The following SOBP variants were observed in gnomAD, a reference collection of about 807,000 sequenced individuals.
SOBP encodes sine oculis binding protein homolog.
SOBP carries 4 observed loss-of-function variants against 53.6 expected under a neutral mutation model. That is an observed-to-expected ratio of 0.07 (90% CI 0.04 to 0.17). The LOEUF (loss-of-function observed/expected upper bound fraction) is 0.17, where lower values mean the gene tolerates loss of function less well. Ranked by LOEUF, SOBP falls within the 10% of genes least tolerant of loss-of-function variation. The pLI, the probability that SOBP is intolerant of heterozygous loss-of-function variation, is 1.00. For missense variants in SOBP, 1,088 were observed against 1,204.7 expected, an observed-to-expected ratio of 0.90 and a Z score of 1.43; for synonymous variants, 584 against 522.6, an observed-to-expected ratio of 1.12 and a Z score of -1.60.
At chr6:107,554,899 C>T (rs1311201573) in intron 4 of SOBP, among the ~76,000 whole-genome samples, 1 of 152,234 alleles carries the variant, frequency 6.6e-6, no homozygotes, top group South Asian at 2.1e-4. Context: ...ATTCTGTGAG[C>T]CTGGCTGGGT....
At chr6:107,651,439 C>T (rs1224294324) in intron 6 of SOBP, among the ~76,000 whole-genome samples, 4 of 152,138 alleles carry the variant, frequency 2.6e-5, no homozygotes, top group Non-Finnish European at 5.9e-5. Flanking sequence ...CTCTTCATCA[C>T]TGAAGACTGA....
chr6:107,491,941 A>C (rs907884477), intron 1 of SOBP, among the ~76,000 whole-genome samples: 3 of 152,250 alleles, frequency 2.0e-5, no homozygotes, highest in Non-Finnish European at 4.4e-5. Flanking sequence ...GCATGGATAT[A>C]TATCATATAT....
intron 5 of SOBP, among the ~76,000 whole-genome samples, chr6:107,618,813 A>G (rs569328945): frequency 1.3e-5 from 2 of 152,310 alleles, no homozygotes; most frequent in East Asian, 3.9e-4. Context: ...TTGGAAGGTC[A>G]CGCCATAGGT....
At chr6:107,637,154 A>T (rs1771083118) in intron 6 of SOBP, among the ~76,000 whole-genome samples, 1 of 152,212 alleles carries the variant, frequency 6.6e-6, no homozygotes, top group South Asian at 2.1e-4. Flanking sequence ...AAGTGTTCAG[A>T]CAGTTGAATT....
intron 4 of SOBP, chr6:107,557,994 A>C (rs1784664293): frequency 6.6e-6 from 1 of 152,138 alleles, no homozygotes; most frequent in Non-Finnish European, 1.5e-5. Context: ...TAAAATTTAA[A>C]CATTTTAGAC....
chr6:107,503,186 G>A (rs570608658), intron 1 of SOBP, among the ~76,000 whole-genome samples: 34 of 152,286 alleles, frequency 2.2e-4, no homozygotes, highest in African/African-American at 6.0e-4. Flanking sequence ...GAAATTTGGC[G>A]TTATCCGCGA....
intron 4 of SOBP, 69 bp downstream of exon 4, chr6:107,533,679 G>T: frequency 6.3e-7 from 1 of 1,594,770 alleles, no homozygotes; most frequent in Non-Finnish European, 8.6e-7. Context: ...GTGCCTCATA[G>T]CTTCTAGCGG....
intron 5 of SOBP, among the ~76,000 whole-genome samples, chr6:107,596,198 C>G (rs1169179317): frequency 6.6e-6 from 1 of 152,146 alleles, no homozygotes; most frequent in Non-Finnish European, 1.5e-5. Context: ...CACTTTCCCC[C>G]CTAACATTTT....
At chr6:107,496,935 C>T (rs1782716639) in intron 1 of SOBP, among the ~76,000 whole-genome samples, 1 of 152,220 alleles carries the variant, frequency 6.6e-6, no homozygotes, top group African/African-American at 2.4e-5. Context: ...TCCACTGGGT[C>T]TGTGTTAAGA....
rs554568775 is a variant in SOBP at position 107,628,669 on chromosome 6, A to G, written c.670-4845A>G. On this transcript the variant is annotated intron_variant, in intron 5 of 6. Transcript: ENST00000317357. The stretch of plus-strand genomic sequence containing the variant: ...AAGAAACTGAGGCTGAGATTTTCGT[A>G]ATGTTGCACTGCTAATAAGGAATAA... Among the ~76,000 whole-genome samples the G allele has an allele frequency of 3.3e-5, 5 of 152,320 alleles. No individual in the cohort carries two copies. The South Asian group carries it at 1.0e-3, about 32-fold the overall frequency.
At chr6:107,561,224 G>A (rs1784762165) in intron 4 of SOBP, among the ~76,000 whole-genome samples, 2 of 152,090 alleles carry the variant, frequency 1.3e-5, no homozygotes, top group South Asian at 4.1e-4. Flanking sequence ...AGCTAAACTT[G>A]TACTGGAAAA....
intron 6 of SOBP, among the ~76,000 whole-genome samples, chr6:107,643,665 T>A (rs1771427331): frequency 6.6e-6 from 1 of 152,086 alleles, no homozygotes; most frequent in Non-Finnish European, 1.5e-5. Flanking sequence ...ATCATCCACC[T>A]GTCTAGGCCT....
At chr6:107,570,711 G>T (rs1336901347) in intron 4 of SOBP, among the ~76,000 whole-genome samples, 1 of 152,182 alleles carries the variant, frequency 6.6e-6, no homozygotes, top group Admixed American at 6.5e-5. Flanking sequence ...TTCCACCCAC[G>T]GGCCCTGCAA....
At chr6:107,557,330 TA>T (rs1203447863) in intron 4 of SOBP, among the ~76,000 whole-genome samples, 3 of 152,230 alleles carry the variant, frequency 2.0e-5, no homozygotes, top group Non-Finnish European at 4.4e-5. Context: ...AGATACATTT[TA>T]AATATATCAT....
At position 107,635,013 on chromosome 6, in the gene SOBP, C is replaced by A; in HGVS notation, c.2169C>A (p.Ile723=). 8.4e-7 allele frequency: 1 copy of A among 1,191,134 alleles called. No individual in the cohort carries two copies. 73.8% of individuals were successfully genotyped at this position (1,191,134 alleles called of 1,614,324 possible). A position where few individuals can be genotyped will look rare whatever the true frequency, so the allele number is the denominator to read the frequency against. ...AGGCGGCCGCGGCCTGCAACGTCATCGTGAACGGCACGCGCGGCGCCGCCG... is the reference window on the plus strand; with the variant it reads ...AGGCGGCCGCGGCCTGCAACGTCATAGTGAACGGCACGCGCGGCGCCGCCG... ...GPEAAAACNV[I]VNGTRGAAAE... Residue 723 remains isoleucine (I), a synonymous_variant, in exon 6 of 7, where the codon ATC becomes ATA. Transcript: ENST00000317357. The surrounding 1 kb of genome is among the most constrained non-coding windows in gnomAD (Gnocchi z 4.5).
intron 5 of SOBP, among the ~76,000 whole-genome samples, chr6:107,609,406 T>C (rs1244975329): frequency 6.6e-6 from 1 of 152,178 alleles, no homozygotes; most frequent in Non-Finnish European, 1.5e-5. Flanking sequence ...ATAGCCCTTA[T>C]AGACAAGAAA....
At chr6:107,508,083 A>G (rs1001125670) in intron 3 of SOBP, among the ~76,000 whole-genome samples, 5 of 152,232 alleles carry the variant, frequency 3.3e-5, no homozygotes, top group Non-Finnish European at 1.5e-5. Context: ...CAACAGCAGT[A>G]CTTATTATAA....
rs184897301 is a variant in SOBP, at chr6:107,588,785, G to A, written c.669+1610G>A. Among the ~76,000 whole-genome samples the A allele has an allele frequency of 5.9e-5, 9 of 152,310 alleles. No homozygotes were observed. In the East Asian group the frequency reaches 1.7e-3, roughly 29 times the overall value. On this transcript the variant is annotated intron_variant, in intron 5 of 6. Transcript: ENST00000317357. ...TGTCTTTAGAGAAAATAGATGTTTT[G>A]TCATTGCTGTGCTTAAACACATTGT...
intron 6 of SOBP, among the ~76,000 whole-genome samples, chr6:107,647,358 A>C (rs922342946): frequency 1.1e-4 from 16 of 152,200 alleles, no homozygotes; most frequent in Admixed American, 3.3e-4. Flanking sequence ...GCCTGGCTCC[A>C]GAGTTTCCAT....
Sources: allele counts gnomAD v4.1 joint callset (sites outside exome capture counted in the v4.1 genomes callset), GRCh38; gene constraint gnomAD v4.1.1; non-coding constraint Gnocchi (gnomAD v3.1); transcripts MANE v1.5; gene names NCBI Gene and HGNC (gene_info 2026-07-23, HGNC 2026-07-21).